Variants in RNF213 observed in about 807,000 individuals in gnomAD.
RNF213 encodes ring finger protein 213.
Under a neutral mutation model 514.4 loss-of-function variants are expected in RNF213, and 341 were observed. The observed-to-expected ratio is 0.66, with a 90% confidence interval of 0.61 to 0.73. The LOEUF is 0.73. Ranked by LOEUF, RNF213 falls within the 30% of genes least tolerant of loss-of-function variation. RNF213 has a pLI of 0.00. For missense variants in RNF213, 5,767 were observed against 6,615.6 expected, an observed-to-expected ratio of 0.87 and a Z score of 4.45; for synonymous variants, 2,655 against 2,658.2, an observed-to-expected ratio of 1.00 and a Z score of 0.04.
At position 80,360,120 on chromosome 17, in the gene RNF213, C is replaced by T; in HGVS notation, c.11114C>T (p.Ala3705Val). 6.2e-7 allele frequency: 1 copy of T among 1,614,146 alleles called. No homozygotes were observed. The highest frequency in any genetic ancestry group is 2.2e-5 in the East Asian group (1 of 44,884). Residue 3705 changes from alanine (A) to valine (V), a missense_variant, in exon 38 of 68, where the codon GCT becomes GTT. Ala to Val is a moderately conservative substitution (Grantham distance 64). Coordinates refer to ENST00000582970, the MANE Select transcript of RNF213 (RefSeq NM_001256071.3). ...VQNHMNLSEN[A>V]SNNVPFSWKI... ...AACCACATGAACCTTTCCGAGAACG[C>T]TTCCAACAACGTCCCTTTCAGCTGG...
rs768780342 is a variant in RNF213 at position 80,346,702 on chromosome 17, G to A, written c.8367G>A (p.Pro2789=). The A allele has an allele frequency of 5.6e-6, 9 of 1,611,180 alleles. No homozygotes were observed. Among genetic ancestry groups the A allele is most frequent in the Admixed American group, 1.7e-5 (1 of 60,012 alleles). The change falls in exon 29 of 68, where the codon CCG becomes CCA. Residue 2789 remains proline (P), a synonymous_variant. Coordinates refer to ENST00000582970, the MANE Select transcript of RNF213 (RefSeq NM_001256071.3). This position sits in a 1 kb window ranked among gnomAD's most constrained non-coding sequence, Gnocchi z 8.1. ...KTIVADAMQG[P]AAYSDLFRSL... is the part of the protein sequence containing the mutation. The stretch of plus-strand genomic sequence containing the variant: ...TCGTGGCAGACGCCATGCAGGGCCC[G>A]GCTGCCTACTCAGATCTCTTCCGCA...
intron 3 of RNF213, among the ~76,000 whole-genome samples, chr17:80,281,080 C>T (rs527481424): frequency 3.5e-4 from 51 of 147,094 alleles, no homozygotes; most frequent in African/African-American, 1.3e-3. Context: ...ACACACCCCC[C>T]GCCACACATA....
chr17:80,300,268 GT>G (rs1224933054), intron 11 of RNF213, among the ~76,000 whole-genome samples: 50 of 145,052 alleles, frequency 3.4e-4, no homozygotes, highest in Admixed American at 4.8e-4. Flanking sequence ...GTATCTCACT[GT>G]TTTTTTTTTT....
At chr17:80,295,133 C>T in intron 9 of RNF213, 130 bp downstream of exon 9, 1 of 1,044,322 alleles carries the variant, frequency 9.6e-7, no homozygotes, top group Non-Finnish European at 1.5e-6. Flanking sequence ...CCAGCCTTTT[C>T]TCCTACCACT....
chr17:80,383,431 A>G lies in RNF213; in HGVS notation c.14071-246A>G, dbSNP rs187269156. On this transcript the variant is annotated intron_variant, in intron 58 of 67. Coordinates refer to ENST00000582970, the MANE Select transcript of RNF213 (RefSeq NM_001256071.3). ...ACTGACAATCATAGATTAATTATTC[A>G]TCTAGCAGCCAGAATGTTAGTAAGA... Among the ~76,000 whole-genome samples the G allele has an allele frequency of 1.1e-3, 165 of 152,354 alleles. 1 individual carries two copies. Among genetic ancestry groups the G allele is most frequent in the Middle Eastern group, 3.4e-3 (1 of 294 alleles).
chr17:80,306,404 T>A lies in RNF213; in HGVS notation c.2363T>A (p.Ile788Asn). ...IEHLGRFPAH[I>N]LDCLSGIYYR... is the part of the protein sequence containing the mutation. ...CACCTGGGTCGTTTTCCTGCTCATATCCTGGACTGTCTTTCAGGGATTTAC... is the reference window on the plus strand; with the variant it reads ...CACCTGGGTCGTTTTCCTGCTCATAACCTGGACTGTCTTTCAGGGATTTAC... Residue 788 changes from isoleucine (I) to asparagine (N), a missense_variant, in exon 12 of 68, where the codon ATC becomes AAC. Around this residue, in one of 13 missense-constraint regions of RNF213, gnomAD observed 592 missense variants for 673.9 expected, o/e 0.88. Coordinates refer to ENST00000582970, the MANE Select transcript of RNF213 (RefSeq NM_001256071.3). 6.2e-7 allele frequency: 1 copy of A among 1,614,216 alleles called. No individual in the cohort carries two copies. Among genetic ancestry groups the A allele is most frequent in the East Asian group, 2.2e-5 (1 of 44,886 alleles).
chr17:80,386,743 T>C lies in RNF213; in HGVS notation c.14774T>C (p.Val4925Ala). ...VTELHVISYE[V>A]ERDLTPLILS... ...GAACTGCATGTCATCAGTTATGAAGTGGAGCGGGACCTGACTCCACTGATT... is the reference window on the plus strand; with the variant it reads ...GAACTGCATGTCATCAGTTATGAAGCGGAGCGGGACCTGACTCCACTGATT... Residue 4925 changes from valine to alanine, a missense_variant, in exon 63 of 68, where the codon GTG becomes GCG. Physicochemically the swap from Val to Ala is moderately conservative, Grantham distance 64. Transcript: ENST00000582970. The C allele has an allele frequency of 6.2e-7, 1 of 1,614,166 alleles. No homozygotes were observed. Among genetic ancestry groups the C allele is most frequent in the East Asian group, 2.2e-5 (1 of 44,872 alleles).
intron 30 of RNF213, 52 bp downstream of exon 30, chr17:80,349,958 G>A (rs1455441982): frequency 2.5e-6 from 4 of 1,609,526 alleles, no homozygotes; most frequent in Non-Finnish European, 3.4e-6. Context: ...CCGCAGCCGT[G>A]TGGCTTCTGC....
chr17:80,287,789 AAGTG>A (rs1337549253), intron 3 of RNF213, 22 bp from the exon 4 acceptor site: 2 of 1,611,106 alleles, frequency 1.2e-6, no homozygotes, highest in African/African-American at 1.3e-5. Flanking sequence ...CTAAGAAATA[AAGTG>A]AGTGTCTCTC....
At chr17:80,281,368 AACAC>A (rs781083040) in intron 3 of RNF213, among the ~76,000 whole-genome samples, 12 of 78,002 alleles carry the variant, frequency 1.5e-4, no homozygotes, top group Admixed American at 4.6e-4. Flanking sequence ...CACACACCTC[AACAC>A]ACACACACAC....
At chr17:80,292,301 C>G (rs1033317590) in intron 8 of RNF213, among the ~76,000 whole-genome samples, 1 of 152,146 alleles carries the variant, frequency 6.6e-6, no homozygotes, top group Non-Finnish European at 1.5e-5. Context: ...ACCTTGACCT[C>G]AGGTGATCTG....
In RNF213 at chr17:80,336,420, A is replaced by G. The variant is rs932632399; in HGVS notation, c.4527+42A>G. ...CTCTAATGCAGATTTTGTTGAATAG[A>G]GCATTGCTTAGCAACGTTAGGGCAG... On this transcript the variant is annotated intron_variant, in intron 23 of 67. Coordinates refer to ENST00000582970, the MANE Select transcript of RNF213 (RefSeq NM_001256071.3). 1.0e-5 allele frequency: 15 copies of G among 1,495,784 alleles called. No homozygotes were observed. The Admixed American group carries it at 1.4e-4, about 14-fold the overall frequency. 92.7% of individuals were successfully genotyped at this position (1,495,784 alleles called of 1,614,324 possible). A position where few individuals can be genotyped will look rare whatever the true frequency, so the allele number is the denominator to read the frequency against.
At chr17:80,277,291 T>C (rs1284976882) in intron 3 of RNF213, among the ~76,000 whole-genome samples, 1 of 151,618 alleles carries the variant, frequency 6.6e-6, no homozygotes, top group East Asian at 2.0e-4. Context: ...GATTTCTTTC[T>C]GGGATGAAGA....
chr17:80,389,712 C>A, intron 65 of RNF213, 116 bp from the exon 66 acceptor site: 2 of 885,338 alleles, frequency 2.3e-6, no homozygotes, highest in Non-Finnish European at 3.7e-6. Flanking sequence ...CACATTAGTA[C>A]AGGGCAGAAC....
intron 28 of RNF213, 26 bp from the exon 29 acceptor site, chr17:80,344,652 A>T (rs750382020): frequency 1.9e-6 from 3 of 1,613,546 alleles, no homozygotes; most frequent in Non-Finnish European, 2.5e-6. Flanking sequence ...TCTTGTAACC[A>T]TTTCATTAAT....
chr17:80,333,929 ATGGGGG>A, intron 21 of RNF213, 170 bp from the exon 22 acceptor site: 1 of 639,304 alleles, frequency 1.6e-6, no homozygotes, highest in Admixed American at 2.6e-5. Context: ...AGAAACAGCC[ATGGGGG>A]TTTGATCATC....
Position 80,347,724 on chromosome 17 carries a change from A to G in RNF213, c.9389A>G (p.Asp3130Gly). 6.2e-7 allele frequency: 1 copy of G among 1,614,086 alleles called. No homozygotes were observed. Among genetic ancestry groups the G allele is most frequent in the Non-Finnish European group, 8.5e-7 (1 of 1,180,000 alleles). Residue 3130 changes from aspartate (D) to glycine (G), a missense_variant, in exon 29 of 68, where the codon GAC (aspartate) becomes GGC (glycine). Physicochemically the swap from Asp to Gly is moderately conservative, Grantham distance 94. Transcript: ENST00000582970. The surrounding 1 kb of genome is among the most constrained non-coding windows in gnomAD (Gnocchi z 7.2). ...CACCTCGGCGGCCAGAAGTACGTGG[A>G]CCTCGGTCTGGGGACCCACCGCGTC... The part of the protein sequence containing the change: ...YVHLGGQKYV[D>G]LGLGTHRVKC...
intron 48 of RNF213, 96 bp downstream of exon 48, chr17:80,372,830 ACTGGGCTTTTCTACATCCC>A (rs2079570077): frequency 5.7e-6 from 8 of 1,398,754 alleles, no homozygotes; most frequent in Non-Finnish European, 8.0e-6. Context: ...ATAGACTACT[ACTGGGCTTTTCTACATCCC>A]CTCTCCCCTG....
Position 80,388,631 on chromosome 17 carries a change from A to C in RNF213, c.14942A>C (p.Tyr4981Ser), listed in dbSNP as rs1269771273. ...ATTTAGGGAATACCCACTCTGGTGT[A>C]CAGACACGACTGGAACTATGAACAT... ...LSLKGIPTLV[Y>S]RHDWNYEHLF... The change falls in exon 64 of 68, where the codon TAC becomes TCC. Residue 4981 changes from tyrosine to serine, a missense_variant. By Grantham distance (144) the Tyr-to-Ser change is moderately radical. This residue lies in a region of RNF213 where 1,245 missense variants were observed against 1,339.0 expected (regional missense o/e 0.93). Coordinates refer to ENST00000582970, the MANE Select transcript of RNF213 (RefSeq NM_001256071.3). The C allele has an allele frequency of 6.2e-7, 1 of 1,612,230 alleles. No homozygotes were observed. The highest frequency in any genetic ancestry group is 8.5e-7 in the Non-Finnish European group (1 of 1,178,610).
Sources: allele counts gnomAD v4.1 joint callset (sites outside exome capture counted in the v4.1 genomes callset), GRCh38; gene constraint gnomAD v4.1.1; regional missense constraint gnomAD v4.1.1; non-coding constraint Gnocchi (gnomAD v3.1); transcripts MANE v1.5; gene names NCBI Gene and HGNC (gene_info 2026-07-23, HGNC 2026-07-21).